PRELID2: variants seen among roughly 807,000 people sequenced by gnomAD.
PRELID2 encodes the protein PRELI domain containing 2.
In PRELID2, 25 loss-of-function variants were observed where a neutral mutation model predicts 28.4. The ratio of observed to expected loss-of-function variants is 0.88; its 90% CI spans 0.64 to 1.23. PRELID2 has a LOEUF of 1.23. Ranked by LOEUF, PRELID2 falls within the 50% of genes most tolerant of loss-of-function variation. PRELID2 has a pLI of 0.00. For missense variants in PRELID2, 201 were observed against 214.4 expected (o/e 0.94, Z 0.39); for synonymous variants, 76 against 71.6 (o/e 1.06, Z -0.31).
downstream of PRELID2, among the ~76,000 whole-genome samples, chr5:145,471,267 C>T (rs1752050667): frequency 6.6e-6 from 1 of 152,100 alleles, no homozygotes; most frequent in Admixed American, 6.6e-5. Context: ...TTCAGAACAA[C>T]TTCAGAGAGC....
At chr5:145,563,092 G>A (rs1013985576) in intron 1 of PRELID2, among the ~76,000 whole-genome samples, 3 of 152,168 alleles carry the variant, frequency 2.0e-5, no homozygotes, top group Non-Finnish European at 2.9e-5. Context: ...CCAGGGGTGG[G>A]CACATGATCC....
the PRELID2 span, among the ~76,000 whole-genome samples, chr5:145,377,134 T>C: frequency 3.9e-5 from 6 of 152,334 alleles, no homozygotes; most frequent in East Asian, 1.2e-3. Flanking sequence ...TCTGCTTTAA[T>C]TTCATTATTT....
chr5:145,663,415 T>C (rs1258222246), intron 1 of PRELID2, among the ~76,000 whole-genome samples: 4 of 152,104 alleles, frequency 2.6e-5, no homozygotes, highest in African/African-American at 9.7e-5. Flanking sequence ...AGTAACTTCA[T>C]ATTACTACCA....
chr5:145,670,347 T>C (rs1018049195), intron 1 of PRELID2, among the ~76,000 whole-genome samples: 15 of 152,188 alleles, frequency 9.9e-5, no homozygotes, highest in African/African-American at 3.6e-4. Context: ...CTTATGAGAA[T>C]GGCACCAAAT....
the PRELID2 span, among the ~76,000 whole-genome samples, chr5:145,302,199 C>T: frequency 6.6e-6 from 1 of 151,018 alleles, no homozygotes; most frequent in African/African-American, 2.4e-5. Context: ...TCACTTTGTC[C>T]CCCAGGCTGG....
intron 1 of PRELID2, among the ~76,000 whole-genome samples, chr5:145,505,582 G>T (rs1262233682): frequency 6.6e-6 from 1 of 152,010 alleles, no homozygotes; most frequent in African/African-American, 2.4e-5. Context: ...TGACTCTCCA[G>T]CTCGAAATCC....
chr5:145,743,765 C>T (rs1218164352), intron 1 of PRELID2, among the ~76,000 whole-genome samples: 1 of 152,034 alleles, frequency 6.6e-6, no homozygotes, highest in Non-Finnish European at 1.5e-5. Context: ...TCTCAACAGC[C>T]TCTCAGCCTC....
At chr5:145,481,643 A>AAAAAAAAAAAAAAAG (rs1752162047) in intron 1 of PRELID2, among the ~76,000 whole-genome samples, 1 of 147,106 alleles carries the variant, frequency 6.8e-6, no homozygotes, top group Admixed American at 6.8e-5. Context: ...AAAAAAAAAA[A>AAAAAAAAAAAAAAAG]AAAAAAAAAA....
the PRELID2 span, among the ~76,000 whole-genome samples, chr5:145,233,526 C>A: frequency 4.6e-5 from 7 of 152,126 alleles, no homozygotes; most frequent in African/African-American, 1.7e-4. Flanking sequence ...TAGAATTCCT[C>A]ACTGATGTGA....
At chr5:145,745,029 G>A (rs1756951350) in intron 1 of PRELID2, among the ~76,000 whole-genome samples, 1 of 151,942 alleles carries the variant, frequency 6.6e-6, no homozygotes, top group Non-Finnish European at 1.5e-5. Flanking sequence ...TGATCTGATG[G>A]AGCTAAAAAC....
the PRELID2 span, among the ~76,000 whole-genome samples, chr5:145,309,471 C>A: frequency 6.6e-6 from 1 of 152,176 alleles, no homozygotes. Context: ...AGAGATAGAA[C>A]TTTGCCCTGC....
In PRELID2 at chr5:145,578,507, G is replaced by GA. The variant is rs1753081314; in HGVS notation, n.71-105193dup. On this transcript the variant is annotated intron_variant and non_coding_transcript_variant, in intron 1 of 2. Coordinates refer to the PRELID2 transcript ENST00000510259. ...GAGAACCATCACAGTCTGTTGTACT[G>GA]AAAAATGTGTGAAGAGCAAAACCAT... Among the ~76,000 whole-genome samples, 4 of 151,950 alleles carry GA rather than the reference G, an allele frequency of 2.6e-5. No homozygotes were observed. In the South Asian group the frequency reaches 8.3e-4, roughly 31 times the overall value.
At chr5:145,426,251 A>G in the PRELID2 span, among the ~76,000 whole-genome samples, 1 of 152,168 alleles carries the variant, frequency 6.6e-6, no homozygotes, top group Non-Finnish European at 1.5e-5. Flanking sequence ...TAAAACAGAA[A>G]TAAGTTGTCC....
At chr5:145,724,052 T>A (rs1756062184) in intron 1 of PRELID2, among the ~76,000 whole-genome samples, 1 of 152,166 alleles carries the variant, frequency 6.6e-6, no homozygotes, top group African/African-American at 2.4e-5. Context: ...TAATATGAAA[T>A]AAGTTCAGCA....
At chr5:145,768,596 T>C (rs1757917481) in intron 5 of PRELID2, among the ~76,000 whole-genome samples, 1 of 152,226 alleles carries the variant, frequency 6.6e-6, no homozygotes. Context: ...TTCAAGCTTC[T>C]ATTTACAGAG....
the PRELID2 span, among the ~76,000 whole-genome samples, chr5:145,420,218 T>C: frequency 6.6e-5 from 10 of 152,152 alleles, no homozygotes; most frequent in Non-Finnish European, 1.5e-5. Context: ...ATGCGGGCTC[T>C]TTTTTTAGTT....
intron 1 of PRELID2, among the ~76,000 whole-genome samples, chr5:145,587,233 G>T (rs1753165754): frequency 6.6e-6 from 1 of 152,118 alleles, no homozygotes; most frequent in Non-Finnish European, 1.5e-5. Context: ...CAGATGCCAT[G>T]GAGTTGGGAA....
At chr5:145,653,898 C>T (rs898771543) in intron 1 of PRELID2, among the ~76,000 whole-genome samples, 3 of 152,064 alleles carry the variant, frequency 2.0e-5, no homozygotes, top group African/African-American at 7.2e-5. Flanking sequence ...TAACTAAGAT[C>T]AGAGCAGAAG....
the PRELID2 span, among the ~76,000 whole-genome samples, chr5:145,392,923 C>T: frequency 6.6e-6 from 1 of 152,172 alleles, no homozygotes; most frequent in African/African-American, 2.4e-5. Context: ...ATTTTGTCCT[C>T]AAACACTTTG....
Sources: gnomAD v4.1 joint callset for allele counts (sites outside exome capture counted in the v4.1 genomes callset) on GRCh38, gnomAD v4.1.1 for gene constraint, MANE v1.5 for transcripts, NCBI Gene and HGNC (gene_info 2026-07-23, HGNC 2026-07-21) for gene names.